NT5C2: variants seen among roughly 807,000 people sequenced by gnomAD.
NT5C2 encodes 5'-nucleotidase, cytosolic II.
A neutral mutation model predicts 76.1 loss-of-function variants in NT5C2; 58 were observed. The observed-to-expected ratio is 0.76, with a 90% CI of 0.62 to 0.95. The LOEUF is 0.95. NT5C2 is among the 40% of genes least tolerant of loss of function. The pLI is 0.00. For missense variants in NT5C2, 478 were observed against 690.3 expected, an observed-to-expected ratio of 0.69 and a Z score of 3.45; for synonymous variants, 229 against 237.4, an observed-to-expected ratio of 0.96 and a Z score of 0.32.
intron 3 of NT5C2, among the ~76,000 whole-genome samples, chr10:103,173,305 G>A (rs1433662972): frequency 1.1e-4 from 16 of 152,002 alleles, no homozygotes; most frequent in Non-Finnish European, 2.1e-4. Context: ...CAGTCAGTTT[G>A]TGGTAAATAT....
chr10:103,141,844 T>C (rs1276189163), intron 3 of NT5C2, among the ~76,000 whole-genome samples: 3 of 152,210 alleles, frequency 2.0e-5, no homozygotes, highest in Non-Finnish European at 4.4e-5. Context: ...TGTTTATCCT[T>C]GAGGAACTCA....
intron 2 of NT5C2, among the ~76,000 whole-genome samples, chr10:103,180,203 A>G (rs1025231238): frequency 4.6e-5 from 7 of 152,250 alleles, no homozygotes; most frequent in Non-Finnish European, 1.0e-4. Flanking sequence ...ACACAATAAG[A>G]TACCAAAATA....
intron 2 of NT5C2, among the ~76,000 whole-genome samples, chr10:103,179,615 C>T (rs549026763): frequency 2.0e-5 from 3 of 151,540 alleles, no homozygotes; most frequent in South Asian, 2.1e-4. Context: ...ACAGGAGGAT[C>T]GCTTTGAGCC....
chr10:103,109,222 T>C (rs574659121), intron 4 of NT5C2, among the ~76,000 whole-genome samples: 1 of 152,022 alleles, frequency 6.6e-6, no homozygotes, highest in Non-Finnish European at 1.5e-5. Flanking sequence ...CCCATCCCCC[T>C]AAAAAAAACT....
chr10:103,192,898 C>G (rs2092749418), intron 1 of NT5C2, among the ~76,000 whole-genome samples: 2 of 152,288 alleles, frequency 1.3e-5, no homozygotes, highest in East Asian at 1.9e-4. Context: ...GGCGAACGGC[C>G]GCGCTGGGAG....
intron 6 of NT5C2, 22 bp downstream of exon 6, chr10:103,105,684 G>A (rs757814250): frequency 1.4e-6 from 2 of 1,472,880 alleles, no homozygotes; most frequent in Non-Finnish European, 9.5e-7. Context: ...TTAGAAAGAG[G>A]CTAAAGGTTC....
intron 4 of NT5C2, among the ~76,000 whole-genome samples, chr10:103,108,386 C>A (rs1378224647): frequency 6.6e-6 from 1 of 152,160 alleles, no homozygotes; most frequent in East Asian, 1.9e-4. Flanking sequence ...CTTCCATCTA[C>A]TATTAACATC....
At chr10:103,166,936 A>C (rs188907525) in intron 3 of NT5C2, among the ~76,000 whole-genome samples, 2 of 152,158 alleles carry the variant, frequency 1.3e-5, no homozygotes, top group African/African-American at 2.4e-5. Flanking sequence ...TATAGGTGTA[A>C]GCCACCACAC....
chr10:103,111,761 T>C (rs948488354), intron 4 of NT5C2: 3 of 1,232,102 alleles, frequency 2.4e-6, no homozygotes, highest in Non-Finnish European at 3.0e-6. Flanking sequence ...CAGATGCAGA[T>C]GCAGTGTGTG....
At chr10:103,191,263 T>C (rs1287035996) in intron 1 of NT5C2, among the ~76,000 whole-genome samples, 1 of 151,422 alleles carries the variant, frequency 6.6e-6, no homozygotes, top group East Asian at 1.9e-4. Context: ...ATGCCTGTAA[T>C]CCCAGCTACT....
chr10:103,133,010 C>A (rs901716219), intron 4 of NT5C2, among the ~76,000 whole-genome samples: 3 of 152,146 alleles, frequency 2.0e-5, no homozygotes, highest in Non-Finnish European at 4.4e-5. Context: ...TTGGCTATGT[C>A]CCCACCCAAA....
Position 103,158,295 on chromosome 10 carries a change from G to T in NT5C2, c.101+16563C>A, listed in dbSNP as rs189747199. ...AAAAGAAGAAACATCTCAATTAATA[G>T]CCTAGCCTTCCACATTAAGAAATTA... On this transcript the variant is annotated intron_variant, in intron 3 of 18. Coordinates refer to ENST00000404739, the MANE Select transcript of NT5C2 (RefSeq NM_001351169.2). Among the ~76,000 whole-genome samples the T allele has an allele frequency of 2.6e-5, 4 of 152,022 alleles. No homozygotes were observed. In the East Asian group the frequency reaches 7.7e-4, roughly 29 times the overall value.
intron 3 of NT5C2, among the ~76,000 whole-genome samples, chr10:103,167,288 G>A (rs1419607801): frequency 1.3e-5 from 2 of 152,070 alleles, no homozygotes; most frequent in South Asian, 4.1e-4. Flanking sequence ...AAAGTGCTGG[G>A]ATTACAAACA....
At position 103,089,501 on chromosome 10, in the gene NT5C2, C is replaced by T; in HGVS notation, c.*171G>A. On this transcript the variant is annotated 3_prime_UTR_variant, in exon 19 of 19. Transcript: ENST00000404739. ...GGACCATCTGCAGAGAGTACAGATA[C>T]ACAAAACCAAAACAAGTATCTATGA... The T allele has an allele frequency of 7.8e-7, 1 of 1,278,646 alleles. No individual in the cohort carries two copies. The highest frequency in any genetic ancestry group is 1.9e-5 in the South Asian group (1 of 53,978). 79.2% of individuals were successfully genotyped at this position (1,278,646 alleles called of 1,614,324 possible).
Position 103,139,452 on chromosome 10 carries a change from C to G in NT5C2, c.129G>C (p.Met43Ile). ...HRVFVNRSLA[M>I]EKIKCFGFDM... Reference sequence around the variant, plus strand: ...CAAAACCAAAACACTTTATCTTTTCCATTGCTAAACTTCGGTTCACAAACA... The same window carrying G: ...CAAAACCAAAACACTTTATCTTTTCGATTGCTAAACTTCGGTTCACAAACA... Residue 43 changes from methionine (M) to isoleucine (I), a missense_variant, in exon 4 of 19, where the codon ATG becomes ATC. Physicochemically the swap from Met to Ile is conservative, Grantham distance 10. Transcript: ENST00000404739. 6.3e-7 allele frequency: 1 copy of G among 1,579,690 alleles called. No individual in the cohort carries two copies. The highest frequency in any genetic ancestry group is 8.6e-7 in the Non-Finnish European group (1 of 1,159,384).
At chr10:103,104,072 C>G (rs184247950) in intron 6 of NT5C2, among the ~76,000 whole-genome samples, 21 of 152,270 alleles carry the variant, frequency 1.4e-4, no homozygotes, top group African/African-American at 4.6e-4. Flanking sequence ...GGCTGGTCTC[C>G]TAGGCTCAAG....
intron 4 of NT5C2, among the ~76,000 whole-genome samples, chr10:103,109,797 T>A (rs901451691): frequency 6.6e-6 from 1 of 152,176 alleles, no homozygotes; most frequent in African/African-American, 2.4e-5. Flanking sequence ...ACAATTTGGA[T>A]TTGAAGCACA....
intron 4 of NT5C2, among the ~76,000 whole-genome samples, chr10:103,126,447 C>A (rs754860792): frequency 1.3e-5 from 2 of 152,090 alleles, no homozygotes. Context: ...TATGGTGAAA[C>A]CCTATCTCTA....
chr10:103,103,082 G>A (rs1189824044), intron 6 of NT5C2, among the ~76,000 whole-genome samples: 2 of 152,018 alleles, frequency 1.3e-5, no homozygotes, highest in Non-Finnish European at 2.9e-5. Context: ...AAACTCAAAG[G>A]GAAAAATACT....
Sources: allele counts gnomAD v4.1 joint callset (sites outside exome capture counted in the v4.1 genomes callset), GRCh38; gene constraint gnomAD v4.1.1; transcripts MANE v1.5; gene names NCBI Gene and HGNC (gene_info 2026-07-23, HGNC 2026-07-21).